The following MINDY2 variants were observed in gnomAD, a reference collection of about 807,000 sequenced individuals.
The protein encoded by MINDY2 is MINDY lysine 48 deubiquitinase 2.
In MINDY2, 52 loss-of-function variants were observed where a neutral mutation model predicts 68.2. That is an observed-to-expected ratio of 0.76 (90% CI 0.61 to 0.96). MINDY2 has a LOEUF of 0.96. MINDY2 is among the 40% of genes least tolerant of loss of function. MINDY2 has a pLI of 0.00. For missense variants in MINDY2, 881 were observed against 773.4 expected (o/e 1.14, Z -1.65); for synonymous variants, 372 against 303.0 (o/e 1.23, Z -2.36).
chr15:58,853,218 G>A (rs943408687), intron 8 of MINDY2, among the ~76,000 whole-genome samples: 1 of 151,842 alleles, frequency 6.6e-6, no homozygotes, highest in Non-Finnish European at 1.5e-5. Context: ...CTCCCAAAGT[G>A]CTGGGATTAC....
chr15:58,808,643 C>T (rs1236310304), intron 3 of MINDY2, among the ~76,000 whole-genome samples: 2 of 152,098 alleles, frequency 1.3e-5, no homozygotes, highest in African/African-American at 4.8e-5. Flanking sequence ...CTCGCCCTGT[C>T]GCCCAGGCTG....
chr15:58,788,848 C>T (rs934433432), intron 2 of MINDY2, among the ~76,000 whole-genome samples: 4 of 151,308 alleles, frequency 2.6e-5, no homozygotes, highest in Non-Finnish European at 5.9e-5. Flanking sequence ...TGTGTGTCTA[C>T]TAAAAATACA....
In MINDY2 at chr15:58,800,694, T is replaced by C. The variant is rs554967585; in HGVS notation, c.899-1619T>C. On this transcript the variant is annotated intron_variant, in intron 2 of 8. Coordinates refer to ENST00000559228, the MANE Select transcript of MINDY2 (RefSeq NM_001040450.3). ...TTTTTTTTTGAAACGATTAGCCAGG[T>C]GTGGTGGTGCGTGTCTTTAGTCCCA... 4.1e-3 allele frequency among the ~76,000 whole-genome samples: 606 copies of C among 148,396 alleles called. 6 individuals carry two copies. The highest frequency in any genetic ancestry group is 0.014 in the African/African-American group (582 of 40,254).
chr15:58,787,140 C>CG (rs1257079442), intron 1 of MINDY2, among the ~76,000 whole-genome samples: 2 of 78,150 alleles, frequency 2.6e-5, no homozygotes, highest in East Asian at 7.6e-4. Context: ...CATTTCTTTA[C>CG]TTTTTTTTTT....
Position 58,810,237 on chromosome 15 carries a change from G to A in MINDY2, c.971G>A (p.Ser324Asn). ...IQRLNYEQNM[S>N]DAMAILHKLQ... is the part of the protein sequence containing the mutation. ...CCCCTTTTCTATTTTCAGAATATGA[G>A]TGATGCCATGGCAATTTTGCACAAA... The change falls in exon 4 of 9, where the codon AGT becomes AAT. Residue 324 changes from serine (S) to asparagine (N), a missense_variant. Physicochemically the swap from Ser to Asn is conservative, Grantham distance 46 (BLOSUM62 1). Coordinates refer to ENST00000559228, the MANE Select transcript of MINDY2 (RefSeq NM_001040450.3). 6.2e-7 allele frequency: 1 copy of A among 1,606,934 alleles called. No individual in the cohort carries two copies. Among genetic ancestry groups the A allele is most frequent in the Non-Finnish European group, 8.5e-7 (1 of 1,178,072 alleles).
chr15:58,774,327 AC>A (rs2140885936), intron 1 of MINDY2, among the ~76,000 whole-genome samples: 1 of 152,190 alleles, frequency 6.6e-6, no homozygotes, highest in African/African-American at 2.4e-5. Flanking sequence ...TACTAAACAT[AC>A]AAAAAATTAG....
intron 2 of MINDY2, among the ~76,000 whole-genome samples, chr15:58,798,187 G>GC (rs1374477435): frequency 6.6e-6 from 1 of 152,002 alleles, no homozygotes; most frequent in African/African-American, 2.4e-5. Flanking sequence ...TGCGATCTTG[G>GC]CTCATTGCAA....
At chr15:58,790,171 C>A (rs1901790008) in intron 2 of MINDY2, among the ~76,000 whole-genome samples, 1 of 152,154 alleles carries the variant, frequency 6.6e-6, no homozygotes, top group African/African-American at 2.4e-5. Context: ...CTCTGAATAC[C>A]TAGATGTCTG....
chr15:58,838,948 A>T (rs1311812046), intron 6 of MINDY2, among the ~76,000 whole-genome samples: 2 of 152,086 alleles, frequency 1.3e-5, no homozygotes, highest in African/African-American at 4.8e-5. Flanking sequence ...TTATATCATT[A>T]TCATCTCAAG....
At chr15:58,816,183 A>G (rs1311993481) in intron 4 of MINDY2, among the ~76,000 whole-genome samples, 1 of 152,110 alleles carries the variant, frequency 6.6e-6, no homozygotes, top group African/African-American at 2.4e-5. Flanking sequence ...CTTTTTTTTC[A>G]TCTCTGTCCA....
intron 3 of MINDY2, among the ~76,000 whole-genome samples, chr15:58,802,919 G>C (rs900185990): frequency 6.6e-6 from 1 of 152,184 alleles, no homozygotes; most frequent in Non-Finnish European, 1.5e-5. Context: ...AAAGCAAGCG[G>C]AGCTTCATTT....
At position 58,772,121 on chromosome 15, in the gene MINDY2, G is replaced by C. The variant is rs1900470053; in HGVS notation, c.726G>C (p.Val242=). The change falls in exon 1 of 9, where the codon GTG becomes GTC. Residue 242 remains valine (V), a synonymous_variant. Transcript: ENST00000559228. ...AGGAACGCTTCCCGGGACAATCTGT[G>C]TATCACATCAAGTGGATCCAGTGGA... The part of the protein sequence containing the change: ...ASKERFPGQS[V]YHIKWIQWKE... 2.5e-6 allele frequency: 4 copies of C among 1,614,124 alleles called. No individual in the cohort carries two copies. Among genetic ancestry groups the C allele is most frequent in the Non-Finnish European group, 3.4e-6 (4 of 1,180,000 alleles).
chr15:58,806,888 G>A (rs1431332791), intron 3 of MINDY2, among the ~76,000 whole-genome samples: 1 of 152,074 alleles, frequency 6.6e-6, no homozygotes, highest in South Asian at 2.1e-4. Flanking sequence ...TATGTTGTTT[G>A]GGGGGAACAG....
intron 3 of MINDY2, among the ~76,000 whole-genome samples, chr15:58,809,577 C>T (rs2030075420): frequency 6.6e-6 from 1 of 152,146 alleles, no homozygotes; most frequent in Non-Finnish European, 1.5e-5. Flanking sequence ...TTAGATTCAC[C>T]AGTAGGAGAG....
chr15:58,841,426 A>G (rs1293922660), intron 6 of MINDY2, among the ~76,000 whole-genome samples: 1 of 143,878 alleles, frequency 7.0e-6, no homozygotes, highest in Non-Finnish European at 1.5e-5. Context: ...TTTTTTTGAG[A>G]CAGAGTTTCA....
chr15:58,818,083 A>G (rs998590144), intron 4 of MINDY2, among the ~76,000 whole-genome samples: 2 of 152,230 alleles, frequency 1.3e-5, no homozygotes, highest in Non-Finnish European at 2.9e-5. Flanking sequence ...GCATACCACT[A>G]TATACAACAA....
intron 6 of MINDY2, among the ~76,000 whole-genome samples, chr15:58,833,041 A>T (rs1262349050): frequency 6.6e-6 from 1 of 152,030 alleles, no homozygotes; most frequent in East Asian, 1.9e-4. Context: ...TGTCAAAAAC[A>T]TTTACTGTTT....
chr15:58,784,904 G>C (rs1901384410), intron 1 of MINDY2, among the ~76,000 whole-genome samples: 1 of 151,274 alleles, frequency 6.6e-6, no homozygotes, highest in South Asian at 2.1e-4. Context: ...CAAAGTGCTG[G>C]GACTGTAGAC....
chr15:58,782,181 T>A (rs1901189021), intron 1 of MINDY2, among the ~76,000 whole-genome samples: 1 of 152,170 alleles, frequency 6.6e-6, no homozygotes, highest in Admixed American at 6.5e-5. Context: ...CATTAATACT[T>A]CTAATATTTT....
Sources: allele counts gnomAD v4.1 joint callset (sites outside exome capture counted in the v4.1 genomes callset), GRCh38; gene constraint gnomAD v4.1.1; transcripts MANE v1.5; gene names NCBI Gene and HGNC (gene_info 2026-07-23, HGNC 2026-07-21).